The following KHDRBS2 variants were observed in gnomAD, a reference collection of about 807,000 sequenced individuals.
The protein encoded by KHDRBS2 is KH domain-containing, RNA-binding, signal transduction-associated protein 2.
Under a neutral mutation model 44.3 loss-of-function variants are expected in KHDRBS2, and 26 were observed. The ratio of observed to expected loss-of-function variants is 0.59; its 90% CI spans 0.43 to 0.81. The LOEUF is 0.81. Ranked by LOEUF, KHDRBS2 falls within the 40% of genes least tolerant of loss-of-function variation. KHDRBS2 has a pLI of 0.00. For missense variants in KHDRBS2, 476 were observed against 433.1 expected, an observed-to-expected ratio of 1.10 and a Z score of -0.88; for synonymous variants, 194 against 151.1, an observed-to-expected ratio of 1.28 and a Z score of -2.08.
intron 4 of KHDRBS2, among the ~76,000 whole-genome samples, chr6:61,954,646 T>G (rs201137168): frequency 0.3 from 23,108 of 77,288 alleles, 3,117 homozygotes; most frequent in Admixed American, 0.35. Flanking sequence ...ACATACATAC[T>G]TATGTATACA....
At chr6:61,664,389 A>G in the KHDRBS2 span, among the ~76,000 whole-genome samples, 1 of 151,878 alleles carries the variant, frequency 6.6e-6, no homozygotes, top group East Asian at 2.0e-4. Context: ...TTAGTTAACA[A>G]TACCCCTTAT....
At chr6:61,612,880 T>A in the KHDRBS2 span, among the ~76,000 whole-genome samples, 1 of 125,566 alleles carries the variant, frequency 8.0e-6, no homozygotes, top group Non-Finnish European at 1.6e-5. Context: ...TGAGACGGAG[T>A]CTTGCTCTGT....
At chr6:62,161,573 C>CG (rs3035515) in intron 2 of KHDRBS2, among the ~76,000 whole-genome samples, 1,616 of 33,150 alleles carry the variant, frequency 0.049, 108 homozygotes, top group South Asian at 0.096. Flanking sequence ...TTGGTATTTG[C>CG]GGGGGGGGGG....
chr6:62,216,938 G>A (rs1830102462), intron 1 of KHDRBS2, among the ~76,000 whole-genome samples: 1 of 149,890 alleles, frequency 6.7e-6, no homozygotes. Flanking sequence ...GGGTTATAGG[G>A]TTTGGTATCA....
At chr6:62,120,816 C>T (rs1361896283) in intron 2 of KHDRBS2, among the ~76,000 whole-genome samples, 1 of 152,090 alleles carries the variant, frequency 6.6e-6, no homozygotes, top group Admixed American at 6.6e-5. Context: ...AAAGGGGAGG[C>T]CAGGTCTACT....
chr6:61,841,436 A>G (rs1329241231), intron 6 of KHDRBS2, among the ~76,000 whole-genome samples: 2 of 152,226 alleles, frequency 1.3e-5, no homozygotes. Flanking sequence ...TCTGTTTAAA[A>G]TAAAGTGATG....
In KHDRBS2 at chr6:62,115,309, A is replaced by G. The variant is rs59954497; in HGVS notation, c.219+61876T>C. Among the ~76,000 whole-genome samples, 579 of 152,258 alleles carry G rather than the reference A, an allele frequency of 3.8e-3. 1 individual carries two copies. The highest frequency in any genetic ancestry group is 0.013 in the African/African-American group (560 of 41,566). On this transcript the variant is annotated intron_variant, in intron 2 of 8. Transcript: ENST00000281156. The stretch of plus-strand genomic sequence containing the variant: ...GCTTATATTCTGCTCAGCACCTTAT[A>G]TACCAATGGACCAGCTCACCCCAGG...
intron 2 of KHDRBS2, among the ~76,000 whole-genome samples, chr6:62,126,724 G>C (rs1340546859): frequency 3.3e-5 from 5 of 152,190 alleles, no homozygotes; most frequent in Non-Finnish European, 4.4e-5. Flanking sequence ...TGAAAGGCTT[G>C]TTCCTCATTT....
intron 6 of KHDRBS2, among the ~76,000 whole-genome samples, chr6:61,810,306 G>A (rs1466961258): frequency 6.6e-6 from 1 of 152,076 alleles, no homozygotes; most frequent in African/African-American, 2.4e-5. Flanking sequence ...GGTCAGGCCC[G>A]AGGTTGATGT....
At chr6:61,740,509 G>T (rs1239397644) in intron 6 of KHDRBS2, among the ~76,000 whole-genome samples, 1 of 151,768 alleles carries the variant, frequency 6.6e-6, no homozygotes, top group Non-Finnish European at 1.5e-5. Context: ...TATATATTTT[G>T]ACTCAAAAAT....
intron 6 of KHDRBS2, among the ~76,000 whole-genome samples, chr6:61,869,870 G>T (rs1268708256): frequency 6.6e-6 from 1 of 152,096 alleles, no homozygotes; most frequent in Non-Finnish European, 1.5e-5. Flanking sequence ...TGCAGACCAG[G>T]AGATTCCCTC....
intron 3 of KHDRBS2, among the ~76,000 whole-genome samples, chr6:61,987,780 G>A (rs1479502563): frequency 6.6e-6 from 1 of 152,148 alleles, no homozygotes; most frequent in Non-Finnish European, 1.5e-5. Context: ...TGATAGAGAA[G>A]CAATAGCTAG....
chr6:61,947,232 G>C (rs1230509797), intron 4 of KHDRBS2, among the ~76,000 whole-genome samples: 1 of 152,122 alleles, frequency 6.6e-6, no homozygotes, highest in Non-Finnish European at 1.5e-5. Flanking sequence ...TCATCAGTCA[G>C]TTAATGTGAA....
chr6:61,950,448 AT>A (rs915989352), intron 4 of KHDRBS2, among the ~76,000 whole-genome samples: 27 of 151,820 alleles, frequency 1.8e-4, no homozygotes, highest in African/African-American at 5.8e-4. Context: ...TTAATTCCAG[AT>A]TTTTTTTCAT....
At chr6:61,981,838 T>G (rs1773906053) in intron 3 of KHDRBS2, among the ~76,000 whole-genome samples, 1 of 152,170 alleles carries the variant, frequency 6.6e-6, no homozygotes, top group Non-Finnish European at 1.5e-5. Flanking sequence ...TTACTTAAAT[T>G]TCCTTATATT....
intron 2 of KHDRBS2, among the ~76,000 whole-genome samples, chr6:62,087,381 C>T (rs1053391978): frequency 6.7e-6 from 1 of 149,004 alleles, no homozygotes; most frequent in African/African-American, 2.5e-5. Context: ...AAAACTAAGG[C>T]AAAGATTAGA....
intron 4 of KHDRBS2, among the ~76,000 whole-genome samples, chr6:61,911,670 T>G (rs1020216156): frequency 6.6e-6 from 1 of 152,136 alleles, no homozygotes; most frequent in Admixed American, 6.6e-5. Flanking sequence ...GCTATATTTC[T>G]TCATGAGAAA....
At chr6:62,243,348 C>T (rs1270732031) in intron 1 of KHDRBS2, among the ~76,000 whole-genome samples, 2 of 151,992 alleles carry the variant, frequency 1.3e-5, no homozygotes, top group Admixed American at 6.6e-5. Flanking sequence ...GTTATATGTG[C>T]TCATGGTTCA....
chr6:61,597,729 CTTTT>C, the KHDRBS2 span, among the ~76,000 whole-genome samples: 708 of 35,524 alleles, frequency 0.02, 10 homozygotes, highest in Middle Eastern at 0.038. Flanking sequence ...AATTTTGCAC[CTTTT>C]ATATATATAT....
Sources: gnomAD v4.1 joint callset for allele counts (sites outside exome capture counted in the v4.1 genomes callset) on GRCh38, gnomAD v4.1.1 for gene constraint, MANE v1.5 for transcripts, NCBI Gene and HGNC (gene_info 2026-07-23, HGNC 2026-07-21) for gene names.